The following DNAJC6 variants were observed in gnomAD, a reference collection of about 807,000 sequenced individuals.
DNAJC6 encodes the protein auxilin.
Under a neutral mutation model 110.0 loss-of-function variants are expected in DNAJC6, and 34 were observed. The observed-to-expected ratio is 0.31, with a 90% CI of 0.24 to 0.41. The LOEUF (loss-of-function observed/expected upper bound fraction) is 0.41, where lower values mean the gene tolerates loss of function less well. Ranked by LOEUF, DNAJC6 falls within the 10% of genes least tolerant of loss-of-function variation. DNAJC6 has a pLI of 1.00. For synonymous variants in DNAJC6, 406 were observed against 437.2 expected (o/e 0.93, Z 0.89); for missense variants, 1,031 against 1,207.8 (o/e 0.85, Z 2.17).
intron 1 of DNAJC6, among the ~76,000 whole-genome samples, chr1:65,332,448 G>T (rs575114446): frequency 4.6e-5 from 7 of 152,238 alleles, no homozygotes; most frequent in African/African-American, 1.7e-4. Context: ...AAAGAGGCAA[G>T]AAATAAACTA....
At chr1:65,375,957 G>A (rs1645762579) in intron 4 of DNAJC6, among the ~76,000 whole-genome samples, 1 of 152,136 alleles carries the variant, frequency 6.6e-6, no homozygotes, top group Non-Finnish European at 1.5e-5. Context: ...AGTTTGAGTA[G>A]GATTAATATT....
At chr1:65,273,449 A>G (rs1187202061) in intron 1 of DNAJC6, among the ~76,000 whole-genome samples, 2 of 152,106 alleles carry the variant, frequency 1.3e-5, no homozygotes, top group African/African-American at 4.8e-5. Flanking sequence ...AATTACAAGT[A>G]TTAGTTGAGC....
Position 65,386,797 on chromosome 1 carries a change from G to T in DNAJC6, c.996-15G>T, listed in dbSNP as rs564737874. ...TGGACTCTCTTTCAATGTATATTTT[G>T]GTCTGTGTTTACAGAGAATATCGTG... is the stretch of plus-strand genomic sequence containing the variant. On this transcript the variant is annotated splice_polypyrimidine_tract_variant and intron_variant, in intron 7 of 18. Transcript: ENST00000371069. The T allele has an allele frequency of 7.3e-5, 117 of 1,593,020 alleles. No homozygotes were observed. The highest frequency in any genetic ancestry group is 9.3e-5 in the Non-Finnish European group (108 of 1,161,004).
intron 3 of DNAJC6, 27 bp from the exon 4 acceptor site, chr1:65,366,019 GTT>G: frequency 6.2e-7 from 1 of 1,613,338 alleles, no homozygotes; most frequent in South Asian, 1.1e-5. Flanking sequence ...CATTTAACCT[GTT>G]TTCTTTCTGT....
intron 12 of DNAJC6, among the ~76,000 whole-genome samples, chr1:65,394,412 T>C (rs1645958213): frequency 1.3e-5 from 2 of 152,252 alleles, no homozygotes; most frequent in Non-Finnish European, 2.9e-5. Context: ...CTTAACTGTC[T>C]GTGTAACATT....
chr1:65,396,390 G>C (rs1645977093), intron 13 of DNAJC6, among the ~76,000 whole-genome samples: 1 of 152,168 alleles, frequency 6.6e-6, no homozygotes, highest in African/African-American at 2.4e-5. Context: ...GAAATGGCCT[G>C]TGTAGCCTCT....
chr1:65,335,170 C>T (rs1645323601), intron 1 of DNAJC6, among the ~76,000 whole-genome samples: 2 of 151,094 alleles, frequency 1.3e-5, no homozygotes, highest in African/African-American at 4.9e-5. Context: ...TGCAGTGGCA[C>T]GATCTTGGCT....
intron 4 of DNAJC6, among the ~76,000 whole-genome samples, chr1:65,373,816 G>A (rs1645732602): frequency 6.6e-6 from 1 of 151,964 alleles, no homozygotes; most frequent in African/African-American, 2.4e-5. Flanking sequence ...TTTTGCTTTG[G>A]TTGTGTGTGC....
intron 1 of DNAJC6, among the ~76,000 whole-genome samples, chr1:65,341,381 G>A (rs1473077642): frequency 6.6e-6 from 1 of 152,120 alleles, no homozygotes; most frequent in Admixed American, 6.6e-5. Flanking sequence ...GCATTTTTTG[G>A]AGACCCTTTT....
rs1308317784 is a variant in DNAJC6 at position 65,413,180 on chromosome 1, A to G, written c.*155A>G. The G allele has an allele frequency of 1.6e-6, 1 of 609,792 alleles. No homozygotes were observed. Among genetic ancestry groups the G allele is most frequent in the Non-Finnish European group, 2.8e-6 (1 of 359,892 alleles). 37.8% of individuals were successfully genotyped at this position (609,792 alleles called of 1,614,324 possible). On this transcript the variant is annotated 3_prime_UTR_variant, in exon 19 of 19. Transcript: ENST00000371069. Reference sequence around the variant, plus strand: ...TGAATTAATTTCTCATTGATAAGGAATGTGGATGTTTGGTTTCTCCAAAGT... The same window carrying G: ...TGAATTAATTTCTCATTGATAAGGAGTGTGGATGTTTGGTTTCTCCAAAGT...
chr1:65,271,514 G>A (rs781635037), intron 1 of DNAJC6, among the ~76,000 whole-genome samples: 8 of 152,008 alleles, frequency 5.3e-5, no homozygotes, highest in Non-Finnish European at 1.2e-4. Context: ...TATGATATTT[G>A]ACTCTCTGTG....
intron 1 of DNAJC6, among the ~76,000 whole-genome samples, chr1:65,336,969 T>A (rs1194537982): frequency 1.3e-5 from 2 of 151,974 alleles, no homozygotes; most frequent in African/African-American, 4.8e-5. Flanking sequence ...TAAAGTTTCT[T>A]CTCTATGTCT....
intron 1 of DNAJC6, among the ~76,000 whole-genome samples, chr1:65,280,372 T>C (rs898614862): frequency 3.9e-5 from 6 of 152,212 alleles, no homozygotes; most frequent in Non-Finnish European, 7.3e-5. Flanking sequence ...TCCACATTTT[T>C]AGTGTCTGTA....
At chr1:65,290,209 C>T (rs1315804729) in intron 1 of DNAJC6, among the ~76,000 whole-genome samples, 1 of 152,120 alleles carries the variant, frequency 6.6e-6, no homozygotes, top group East Asian at 1.9e-4. Flanking sequence ...TTTTCAGCTG[C>T]GTTTTCTGCC....
intron 1 of DNAJC6, among the ~76,000 whole-genome samples, chr1:65,333,476 C>T: frequency 6.6e-6 from 1 of 151,988 alleles, no homozygotes; most frequent in East Asian, 1.9e-4. Flanking sequence ...GTATAATTGT[C>T]TTCATTTCAC....
chr1:65,335,693 C>T (rs532089113), intron 1 of DNAJC6, among the ~76,000 whole-genome samples: 140 of 152,184 alleles, frequency 9.2e-4, no homozygotes, highest in Admixed American at 2.3e-3. Flanking sequence ...GCAGCAAAGA[C>T]GCAGGGAGAA....
upstream of DNAJC6, among the ~76,000 whole-genome samples, chr1:65,306,185 C>T (rs992511647): frequency 6.6e-6 from 1 of 151,120 alleles, no homozygotes; most frequent in African/African-American, 2.4e-5. Flanking sequence ...GTAGCTGGGA[C>T]TACAGGTGCC....
At chr1:65,407,166 A>G (rs1443929655) in intron 16 of DNAJC6, among the ~76,000 whole-genome samples, 1 of 152,182 alleles carries the variant, frequency 6.6e-6, no homozygotes, top group Non-Finnish European at 1.5e-5. Context: ...CATCCTGCCT[A>G]GGATGTGAAG....
chr1:65,304,603 G>A (rs1445847309), upstream of DNAJC6, among the ~76,000 whole-genome samples: 1 of 152,206 alleles, frequency 6.6e-6, no homozygotes, highest in Admixed American at 6.5e-5. Context: ...CTGAGAGAAG[G>A]AGAATGGATC....
Sources: gnomAD v4.1 joint callset for allele counts (sites outside exome capture counted in the v4.1 genomes callset) on GRCh38, gnomAD v4.1.1 for gene constraint, MANE v1.5 for transcripts, NCBI Gene and HGNC (gene_info 2026-07-23, HGNC 2026-07-21) for gene names.